RAB5A: variants seen among roughly 807,000 people sequenced by gnomAD.
The protein encoded by RAB5A is RAB5A, member RAS oncogene family.
In RAB5A, 8 loss-of-function variants were observed where a neutral mutation model predicts 25.7. The observed-to-expected ratio is 0.31, with a 90% CI of 0.18 to 0.56. RAB5A has a LOEUF of 0.56. RAB5A is among the 20% of genes least tolerant of loss of function. The pLI is 0.91. For missense variants in RAB5A, 192 were observed against 259.7 expected (o/e 0.74, Z 1.79); for synonymous variants, 98 against 89.8 (o/e 1.09, Z -0.52).
chr3:19,977,843 A>T (rs1696850137), intron 4 of RAB5A, among the ~76,000 whole-genome samples: 1 of 152,268 alleles, frequency 6.6e-6, no homozygotes, highest in African/African-American at 2.4e-5. Flanking sequence ...TTTATGATAT[A>T]TTCAAGATTA....
chr3:19,953,998 C>G (rs960924558), intron 2 of RAB5A, among the ~76,000 whole-genome samples: 2 of 151,948 alleles, frequency 1.3e-5, no homozygotes, highest in Non-Finnish European at 2.9e-5. Flanking sequence ...AGCCAACCAA[C>G]TCTTTTGCAT....
intron 3 of RAB5A, 67 bp from the exon 4 acceptor site, chr3:19,975,980 G>T (rs1696818883): frequency 6.4e-7 from 1 of 1,551,206 alleles, no homozygotes; most frequent in Admixed American, 2.0e-5. Flanking sequence ...TTAAAGCCTT[G>T]TATCACAAAG....
chr3:19,965,933 G>A (rs1255089297), intron 2 of RAB5A, among the ~76,000 whole-genome samples: 1 of 152,034 alleles, frequency 6.6e-6, no homozygotes, highest in East Asian at 1.9e-4. Flanking sequence ...TCTCCATGTT[G>A]CCCGGGCTGG....
In RAB5A at chr3:19,956,937, T is replaced by G. The variant is rs543742145; in HGVS notation, c.163+5876T>G. ...ATTTGAAGATTTGAAAAATTTTGTGTTTTTTTTCCTTTTTTTTTTTTTTTT... is the reference window on the plus strand; with the variant it reads ...ATTTGAAGATTTGAAAAATTTTGTGGTTTTTTTCCTTTTTTTTTTTTTTTT... On this transcript the variant is annotated intron_variant, in intron 2 of 5. Transcript: ENST00000273047. Among the ~76,000 whole-genome samples, 827 of 100,462 alleles carry G rather than the reference T, an allele frequency of 8.2e-3. 5 individuals are homozygous for G. The highest frequency in any genetic ancestry group is 0.028 in the African/African-American group (767 of 27,708). The allele number at this position is 100,462 out of a possible 152,430, so 65.9% of individuals were successfully genotyped here. A position where few individuals can be genotyped will look rare whatever the true frequency, so the allele number is the denominator to read the frequency against.
chr3:19,966,585 T>C (rs1362722034), intron 2 of RAB5A, among the ~76,000 whole-genome samples: 1 of 152,248 alleles, frequency 6.6e-6, no homozygotes, highest in Admixed American at 6.5e-5. Context: ...ATGGTGATTC[T>C]ATCTTTAATA....
At chr3:19,983,452 C>G (rs1283980647) in intron 5 of RAB5A, among the ~76,000 whole-genome samples, 1 of 151,800 alleles carries the variant, frequency 6.6e-6, no homozygotes, top group Admixed American at 6.6e-5. Flanking sequence ...ACTAGTTAGG[C>G]TTAAGTTTTA....
At chr3:19,949,720 G>A (rs1215672664) in intron 1 of RAB5A, among the ~76,000 whole-genome samples, 2 of 152,200 alleles carry the variant, frequency 1.3e-5, no homozygotes, top group Non-Finnish European at 2.9e-5. Flanking sequence ...ATTCAGGCTA[G>A]ATTTCTTTAA....
chr3:19,976,569 C>T (rs1416143052), intron 4 of RAB5A, among the ~76,000 whole-genome samples: 1 of 152,152 alleles, frequency 6.6e-6, no homozygotes, highest in Non-Finnish European at 1.5e-5. Context: ...CCTGTAATCC[C>T]AGCTACTTGG....
intron 2 of RAB5A, among the ~76,000 whole-genome samples, chr3:19,975,271 T>G (rs1441570391): frequency 1.3e-5 from 2 of 151,826 alleles, no homozygotes; most frequent in Non-Finnish European, 2.9e-5. Context: ...TTATTTAGTA[T>G]TATAACAAGC....
chr3:19,968,864 C>T (rs1304568539), intron 2 of RAB5A, among the ~76,000 whole-genome samples: 1 of 152,190 alleles, frequency 6.6e-6, no homozygotes, highest in Admixed American at 6.5e-5. Flanking sequence ...GTTCTACCTA[C>T]TCTCCTGCCC....
At chr3:19,976,950 A>T (rs1286600784) in intron 4 of RAB5A, among the ~76,000 whole-genome samples, 2 of 152,174 alleles carry the variant, frequency 1.3e-5, no homozygotes, top group Admixed American at 6.6e-5. Context: ...ACTAATAATT[A>T]AAAAAAATTT....
chr3:19,976,840 A>G (rs1243668061), intron 4 of RAB5A, among the ~76,000 whole-genome samples: 1 of 152,162 alleles, frequency 6.6e-6, no homozygotes, highest in Non-Finnish European at 1.5e-5. Flanking sequence ...TACCCCACAT[A>G]TGTACATACG....
At chr3:19,953,164 A>G (rs1268676668) in intron 2 of RAB5A, among the ~76,000 whole-genome samples, 1 of 152,168 alleles carries the variant, frequency 6.6e-6, no homozygotes, top group African/African-American at 2.4e-5. Flanking sequence ...GTTTTGGATA[A>G]TGCACTTCTA....
At chr3:19,974,238 T>G (rs957875258) in intron 2 of RAB5A, among the ~76,000 whole-genome samples, 2 of 151,694 alleles carry the variant, frequency 1.3e-5, no homozygotes, top group Non-Finnish European at 2.9e-5. Context: ...CACTGCAACC[T>G]CTGCCTCATG....
intron 2 of RAB5A, among the ~76,000 whole-genome samples, chr3:19,964,933 C>CTTTA (rs1309960415): frequency 1.8e-5 from 2 of 109,398 alleles, no homozygotes; most frequent in South Asian, 4.7e-4. Flanking sequence ...TACTTACTTA[C>CTTTA]TTTATTTATT....
At chr3:19,978,530 TGAGA>T (rs954603969) in intron 5 of RAB5A, 127 bp downstream of exon 5, 50 of 582,012 alleles carry the variant, frequency 8.6e-5, no homozygotes, top group Middle Eastern at 2.8e-4. Flanking sequence ...TGTGTGTGTG[TGAGA>T]GAGAGAGAGA....
At chr3:19,962,436 C>T (rs559859871) in intron 2 of RAB5A, among the ~76,000 whole-genome samples, 12 of 136,098 alleles carry the variant, frequency 8.8e-5, no homozygotes, top group African/African-American at 2.8e-4. Flanking sequence ...GGCATGGTGG[C>T]GCGTGCCTGT....
At chr3:19,963,364 A>ACC (rs201742105) in intron 2 of RAB5A, among the ~76,000 whole-genome samples, 7 of 60,982 alleles carry the variant, frequency 1.1e-4, no homozygotes, top group Non-Finnish European at 1.4e-4. Flanking sequence ...TTAGAATTTC[A>ACC]CCCCCCCCCC....
intron 2 of RAB5A, among the ~76,000 whole-genome samples, chr3:19,965,186 T>C (rs534562480): frequency 2.6e-5 from 4 of 152,284 alleles, no homozygotes; most frequent in Non-Finnish European, 4.4e-5. Context: ...CCCCCCAGAA[T>C]GCTGGGATTA....
Sources: allele counts gnomAD v4.1 joint callset (sites outside exome capture counted in the v4.1 genomes callset), GRCh38; gene constraint gnomAD v4.1.1; transcripts MANE v1.5; gene names NCBI Gene and HGNC (gene_info 2026-07-23, HGNC 2026-07-21).